The following KLF13 variants were observed in gnomAD, a reference collection of about 807,000 sequenced individuals.
KLF13 encodes the protein Krueppel-like factor 13.
In KLF13, 8 loss-of-function variants were observed where a neutral mutation model predicts 16.7. That is an observed-to-expected ratio of 0.48 (90% confidence interval 0.28 to 0.87). The LOEUF is 0.87. Among genes scored for constraint, KLF13 ranks in the 40% least tolerant of loss-of-function variants. KLF13 has a pLI of 0.10. For synonymous variants in KLF13, 245 were observed against 208.4 expected, an observed-to-expected ratio of 1.18 and a Z score of -1.51; for missense variants, 447 against 452.2, an observed-to-expected ratio of 0.99 and a Z score of 0.10.
chr15:31,404,407 AT>A (rs2040084991), exon 3 of KLF13: 1 of 152,204 alleles, frequency 6.6e-6, no homozygotes, highest in African/African-American at 2.4e-5. Flanking sequence ...AAATGCACAA[AT>A]CAGCACTCTG....
chr15:31,431,517 T>G (rs2040471146), intron 1 of KLF13, among the ~76,000 whole-genome samples: 1 of 151,962 alleles, frequency 6.6e-6, no homozygotes, highest in Admixed American at 6.6e-5. Flanking sequence ...CAGGATGGAG[T>G]GCAGTGGCGT....
chr15:31,423,560 A>T (rs557540494), intron 1 of KLF13, among the ~76,000 whole-genome samples: 1 of 152,214 alleles, frequency 6.6e-6, no homozygotes, highest in Admixed American at 6.5e-5. Flanking sequence ...TGAACCCAGG[A>T]AGCGGAGGTT....
intron 1 of KLF13, among the ~76,000 whole-genome samples, chr15:31,347,448 G>T (rs1035659142): frequency 6.6e-6 from 1 of 152,196 alleles, no homozygotes; most frequent in Non-Finnish European, 1.5e-5. Context: ...GAACCTGTGT[G>T]TGCTAGCGTC....
chr15:31,417,489 T>C (rs2040268595), intron 1 of KLF13, among the ~76,000 whole-genome samples: 1 of 146,186 alleles, frequency 6.8e-6, no homozygotes, highest in South Asian at 2.1e-4. Context: ...AGTGAGACTC[T>C]GTCTCAAATA....
intron 1 of KLF13, among the ~76,000 whole-genome samples, chr15:31,414,275 C>T (rs887254439): frequency 2.0e-5 from 3 of 151,966 alleles, no homozygotes; most frequent in African/African-American, 7.3e-5. Context: ...AAAATATTTA[C>T]TTAATGCAGA....
intron 1 of KLF13, among the ~76,000 whole-genome samples, chr15:31,331,250 G>A (rs996421660): frequency 6.6e-6 from 1 of 152,178 alleles, no homozygotes; most frequent in Non-Finnish European, 1.5e-5. Context: ...GCACAGTGGC[G>A]TGCCCAGCCT....
chr15:31,429,946 G>A (rs1022862552), intron 1 of KLF13, among the ~76,000 whole-genome samples: 2 of 152,028 alleles, frequency 1.3e-5, no homozygotes, highest in African/African-American at 4.8e-5. Context: ...ATGTTAGCCA[G>A]GATGGTCTCG....
intron 1 of KLF13, among the ~76,000 whole-genome samples, chr15:31,329,993 C>T (rs1333128784): frequency 6.6e-6 from 1 of 152,074 alleles, no homozygotes; most frequent in Non-Finnish European, 1.5e-5. Context: ...GTTGAACTGC[C>T]CAGAAACCTG....
chr15:31,389,943 A>G (rs1462619245), upstream of KLF13, among the ~76,000 whole-genome samples: 1 of 152,114 alleles, frequency 6.6e-6, no homozygotes, highest in Admixed American at 6.5e-5. Context: ...GGGCGAACTC[A>G]TTTTGCCTTC....
intron 1 of KLF13, among the ~76,000 whole-genome samples, chr15:31,431,487 CAG>C (rs1000435054): frequency 3.4e-4 from 52 of 151,832 alleles, no homozygotes; most frequent in African/African-American, 1.1e-3. Context: ...TTTTTTTAGA[CAG>C]AGTCTCCCTC....
At chr15:31,331,759 G>A (rs543995557) in intron 1 of KLF13, among the ~76,000 whole-genome samples, 6 of 152,322 alleles carry the variant, frequency 3.9e-5, no homozygotes, top group Non-Finnish European at 8.8e-5. Flanking sequence ...CAGCATGGGA[G>A]GTGCCAGCCT....
chr15:31,349,540 G>T (rs1566811429), intron 1 of KLF13, among the ~76,000 whole-genome samples: 1 of 152,250 alleles, frequency 6.6e-6, no homozygotes. Context: ...GCTCCAGCTG[G>T]TGCCAGCCTG....
chr15:31,337,741 G>A (rs192321964), intron 1 of KLF13, among the ~76,000 whole-genome samples: 1 of 152,174 alleles, frequency 6.6e-6, no homozygotes, highest in Admixed American at 6.6e-5. Context: ...TTAAAATGGG[G>A]TGTCGTCTTA....
At chr15:31,415,912 A>T (rs1168162087) in intron 1 of KLF13, among the ~76,000 whole-genome samples, 1 of 152,036 alleles carries the variant, frequency 6.6e-6, no homozygotes, top group Admixed American at 6.5e-5. Context: ...TTTTAGGTTG[A>T]AATTTTCAGC....
At chr15:31,417,086 A>G (rs1784266523) in intron 1 of KLF13, among the ~76,000 whole-genome samples, 2 of 152,204 alleles carry the variant, frequency 1.3e-5, no homozygotes, top group Admixed American at 6.5e-5. Context: ...TCTCTCATCC[A>G]TGTGATGCCT....
intron 1 of KLF13, chr15:31,420,602 C>A: frequency 2.3e-6 from 1 of 434,648 alleles, no homozygotes; most frequent in South Asian, 2.1e-5. Context: ...CTGGAAAAAC[C>A]CTACAGCTTT....
At chr15:31,328,325 C>G (rs2038759162) in intron 1 of KLF13, among the ~76,000 whole-genome samples, 1 of 151,926 alleles carries the variant, frequency 6.6e-6, no homozygotes, top group Non-Finnish European at 1.5e-5. Flanking sequence ...TCGGCACATT[C>G]TTCGCTCTCT....
chr15:31,327,524 G>A lies in KLF13; in HGVS notation c.312G>A (p.Glu104=), dbSNP rs973487036. The A allele has an allele frequency of 1.8e-6, 2 of 1,119,162 alleles. No individual in the cohort carries two copies. Among genetic ancestry groups the A allele is most frequent in the Admixed American group, 5.0e-5 (1 of 19,952 alleles). 69.3% of individuals were successfully genotyped at this position (1,119,162 alleles called of 1,614,324 possible). Reference sequence around the variant, plus strand: ...GCCGCCTGCCGCCGCCCGCCCCCGAGCCCACCTCCCCCGGCGCCGAAGGCG... The same window carrying A: ...GCCGCCTGCCGCCGCCCGCCCCCGAACCCACCTCCCCCGGCGCCGAAGGCG... ...TPCRLPPPAP[E]PTSPGAEGAA... The change falls in exon 1 of 2, where the codon GAG becomes GAA. Residue 104 remains glutamate, a synonymous_variant. Transcript: ENST00000307145.
At chr15:31,411,192 T>C (rs75679721) in intron 1 of KLF13, among the ~76,000 whole-genome samples, 4,891 of 152,268 alleles carry the variant, frequency 0.032, 256 homozygotes, top group African/African-American at 0.11. Context: ...CAAGCTGTTA[T>C]CCTTCACAAT....
Sources: gnomAD v4.1 joint callset for allele counts (sites outside exome capture counted in the v4.1 genomes callset) on GRCh38, gnomAD v4.1.1 for gene constraint, MANE v1.5 for transcripts, NCBI Gene and HGNC (gene_info 2026-07-23, HGNC 2026-07-21) for gene names.